TMEM163: variants seen among roughly 807,000 people sequenced by gnomAD.
The protein encoded by TMEM163 is transmembrane protein 163.
A neutral mutation model predicts 29.3 loss-of-function variants in TMEM163; 17 were observed. The ratio of observed to expected loss-of-function variants is 0.58; its 90% CI spans 0.40 to 0.87. TMEM163 has a LOEUF of 0.87. TMEM163 is among the 40% of genes least tolerant of loss of function. TMEM163 has a pLI of 0.00. For synonymous variants in TMEM163, 157 were observed against 160.6 expected, an observed-to-expected ratio of 0.98 and a Z score of 0.17; for missense variants, 303 against 381.5, an observed-to-expected ratio of 0.79 and a Z score of 1.71.
chr2:134,584,241 A>G (rs1471899208), intron 2 of TMEM163, among the ~76,000 whole-genome samples: 1 of 152,224 alleles, frequency 6.6e-6, no homozygotes, highest in Non-Finnish European at 1.5e-5. Flanking sequence ...CAGCAGAACT[A>G]AGGAACAATG....
chr2:134,623,630 G>T (rs1329077734), intron 2 of TMEM163, among the ~76,000 whole-genome samples: 1 of 152,124 alleles, frequency 6.6e-6, no homozygotes, highest in Non-Finnish European at 1.5e-5. Context: ...AGCCTGGCAT[G>T]ATGGCAGGTG....
At chr2:134,644,098 T>G (rs1402993659) in intron 2 of TMEM163, among the ~76,000 whole-genome samples, 1 of 151,966 alleles carries the variant, frequency 6.6e-6, no homozygotes, top group Non-Finnish European at 1.5e-5. Flanking sequence ...AAAACACTGA[T>G]GAAAGAAGTT....
intron 2 of TMEM163, among the ~76,000 whole-genome samples, chr2:134,586,730 A>G (rs1178250537): frequency 6.6e-6 from 1 of 152,222 alleles, no homozygotes; most frequent in Non-Finnish European, 1.5e-5. Flanking sequence ...TTGGTGCAAC[A>G]GCAGCAGAAC....
intron 2 of TMEM163, among the ~76,000 whole-genome samples, chr2:134,591,998 G>A (rs1266783824): frequency 6.6e-6 from 1 of 152,094 alleles, no homozygotes; most frequent in African/African-American, 2.4e-5. Context: ...AGTCTCAAGA[G>A]GTCCCAAGAA....
chr2:134,577,609 G>A (rs1455309653), intron 2 of TMEM163, among the ~76,000 whole-genome samples: 1 of 152,130 alleles, frequency 6.6e-6, no homozygotes, highest in African/African-American at 2.4e-5. Context: ...GCAGGAAAGG[G>A]ACCAGCCTCT....
chr2:134,704,605 G>C (rs547098491), intron 2 of TMEM163, among the ~76,000 whole-genome samples: 1 of 152,158 alleles, frequency 6.6e-6, no homozygotes, highest in African/African-American at 2.4e-5. Context: ...CTCCTGGAGG[G>C]AAGCTGAGTC....
At chr2:134,481,152 T>C (rs1204649203) in intron 5 of TMEM163, among the ~76,000 whole-genome samples, 1 of 152,228 alleles carries the variant, frequency 6.6e-6, no homozygotes, top group South Asian at 2.1e-4. Context: ...TTCATCCATC[T>C]TGTTGCAGAC....
chr2:134,625,246 A>G lies in TMEM163; in HGVS notation c.323-73155T>C, dbSNP rs1268502030. On this transcript the variant is annotated intron_variant, in intron 2 of 7. Transcript: ENST00000281924. Reference sequence around the variant, plus strand: ...TTTAATAACTAATGCCTCTCAAAAAAAAGAAATTTCTCCTCTTTCTTTTAA... The same window carrying G: ...TTTAATAACTAATGCCTCTCAAAAAGAAGAAATTTCTCCTCTTTCTTTTAA... Among the ~76,000 whole-genome samples, 5 of 152,236 alleles carry G rather than the reference A, an allele frequency of 3.3e-5. No homozygotes were observed. The East Asian group carries it at 9.6e-4, about 29-fold the overall frequency.
At chr2:134,483,023 G>A (rs1169129701) in intron 5 of TMEM163, among the ~76,000 whole-genome samples, 3 of 152,058 alleles carry the variant, frequency 2.0e-5, no homozygotes, top group African/African-American at 7.2e-5. Flanking sequence ...ACAAAGCTGA[G>A]GCTGGCAGGG....
chr2:134,595,115 T>G (rs1682041496), intron 2 of TMEM163, among the ~76,000 whole-genome samples: 1 of 151,674 alleles, frequency 6.6e-6, no homozygotes, highest in Non-Finnish European at 1.5e-5. Flanking sequence ...TTTATTTATA[T>G]ATATATTTTT....
At chr2:134,659,138 T>C (rs1553490344) in intron 2 of TMEM163, among the ~76,000 whole-genome samples, 1 of 152,204 alleles carries the variant, frequency 6.6e-6, no homozygotes, top group African/African-American at 2.4e-5. Flanking sequence ...CTGAATACTA[T>C]AGGCAACTGT....
In TMEM163 at chr2:134,455,944, AC is replaced by A. The variant is rs3214698; in HGVS notation, c.*771del. 54,937 of 152,380 alleles carry A rather than the reference AC, an allele frequency of 0.36. 10,408 individuals carry two copies. Among genetic ancestry groups the A allele is most frequent in the East Asian group, 0.64 (3,283 of 5,158 alleles). 9.4% of individuals were successfully genotyped at this position (152,380 alleles called of 1,614,324 possible). ...ATCCATCTCTCACAGACTGTAATGT[AC>A]CCATTACCACTTAACACAGCATATA... On this transcript the variant is annotated 3_prime_UTR_variant, in exon 8 of 8. Coordinates refer to ENST00000281924, the MANE Select transcript of TMEM163 (RefSeq NM_030923.5).
At chr2:134,470,365 A>AG (rs1686771726) in intron 5 of TMEM163, among the ~76,000 whole-genome samples, 1 of 152,046 alleles carries the variant, frequency 6.6e-6, no homozygotes, top group African/African-American at 2.4e-5. Context: ...TCAAAAAAAA[A>AG]AAAAAAAACT....
Position 134,695,199 on chromosome 2 carries a change from C to T in TMEM163, c.322+18001G>A, listed in dbSNP as rs970611959. Reference sequence around the variant, plus strand: ...TCAAGCAATTCTCCTGCCTCAGCCTCCTGAGTAGCTGGGATTACAGGTGCC... The same window carrying T: ...TCAAGCAATTCTCCTGCCTCAGCCTTCTGAGTAGCTGGGATTACAGGTGCC... On this transcript the variant is annotated intron_variant, in intron 2 of 7. Transcript: ENST00000281924. 1.4e-4 allele frequency among the ~76,000 whole-genome samples: 21 copies of T among 152,198 alleles called. 1 individual carries two copies. Among genetic ancestry groups the T allele is most frequent in the Admixed American group, 1.2e-3 (19 of 15,296 alleles).
intron 2 of TMEM163, among the ~76,000 whole-genome samples, chr2:134,626,195 C>A (rs575072889): frequency 1.2e-3 from 184 of 150,974 alleles, no homozygotes; most frequent in African/African-American, 4.4e-3. Context: ...ACCTCCACCC[C>A]CTGGGTTCAA....
intron 2 of TMEM163, among the ~76,000 whole-genome samples, chr2:134,648,188 A>C (rs1683378895): frequency 6.6e-6 from 1 of 152,186 alleles, no homozygotes; most frequent in Admixed American, 6.5e-5. Flanking sequence ...CTTCCCCCAG[A>C]GTCTGGCCAT....
chr2:134,656,618 A>G (rs1055408962), intron 2 of TMEM163, among the ~76,000 whole-genome samples: 6 of 152,178 alleles, frequency 3.9e-5, no homozygotes, highest in African/African-American at 1.4e-4. Context: ...TGGCAAGGTC[A>G]TCGAATGCTA....
chr2:134,542,904 T>A (rs1203146070), intron 4 of TMEM163, among the ~76,000 whole-genome samples: 1 of 152,180 alleles, frequency 6.6e-6, no homozygotes, highest in Non-Finnish European at 1.5e-5. Context: ...CTCTGCCTCC[T>A]TGTCCCGTGG....
At position 134,597,808 on chromosome 2, in the gene TMEM163, T is replaced by G. The variant is rs564906161; in HGVS notation, c.323-45717A>C. Among the ~76,000 whole-genome samples, 595 of 152,364 alleles carry G rather than the reference T, an allele frequency of 3.9e-3. 7 individuals carry two copies. Among genetic ancestry groups the G allele is most frequent in the African/African-American group, 0.013 (561 of 41,582 alleles). ...AATTTCAGAGCCTGTTATTGGTCAA[T>G]TCAGAGATTCAACTTCTTCCTGGTT... is the stretch of plus-strand genomic sequence containing the variant. On this transcript the variant is annotated intron_variant, in intron 2 of 7. Transcript: ENST00000281924.
Sources: gnomAD v4.1 joint callset for allele counts (sites outside exome capture counted in the v4.1 genomes callset) on GRCh38, gnomAD v4.1.1 for gene constraint, MANE v1.5 for transcripts, NCBI Gene and HGNC (gene_info 2026-07-23, HGNC 2026-07-21) for gene names.